Variants in OPRM1 observed in about 807,000 individuals in gnomAD.
OPRM1 encodes the protein opioid receptor mu 1.
Under a neutral mutation model 31.8 loss-of-function variants are expected in OPRM1, and 27 were observed. That is an observed-to-expected ratio of 0.85 (90% CI 0.63 to 1.17). The LOEUF is 1.17. Ranked by LOEUF, OPRM1 falls within the 50% of genes most tolerant of loss-of-function variation. OPRM1 has a pLI of 0.00. For missense variants in OPRM1, 536 were observed against 511.1 expected, an observed-to-expected ratio of 1.05 and a Z score of -0.47; for synonymous variants, 196 against 189.9, an observed-to-expected ratio of 1.03 and a Z score of -0.26.
chr6:154,045,955 G>A (rs376073598), intron 1 of OPRM1, among the ~76,000 whole-genome samples: 25 of 152,226 alleles, frequency 1.6e-4, no homozygotes, highest in African/African-American at 5.8e-4. Context: ...AACATGCCTC[G>A]TTTTCCTCTT....
upstream of OPRM1, chr6:154,039,180 T>G (rs768254051): frequency 6.4e-7 from 1 of 1,551,560 alleles, no homozygotes; most frequent in South Asian, 1.2e-5. Context: ...CACAGAAGAG[T>G]GCCCAGTGAA....
At chr6:154,224,848 A>G (rs1305604668) in intron 3 of OPRM1, among the ~76,000 whole-genome samples, 1 of 152,232 alleles carries the variant, frequency 6.6e-6, no homozygotes, top group Non-Finnish European at 1.5e-5. Context: ...ATATATATGC[A>G]GCTTCTCTCT....
chr6:154,196,619 A>C (rs1002509187), intron 3 of OPRM1, among the ~76,000 whole-genome samples: 2 of 152,234 alleles, frequency 1.3e-5, no homozygotes, highest in African/African-American at 4.8e-5. Context: ...TGTGTTGTAC[A>C]TATGTGACTT....
chr6:154,237,828 A>G (rs1780255319), intron 3 of OPRM1, among the ~76,000 whole-genome samples: 1 of 151,974 alleles, frequency 6.6e-6, no homozygotes, highest in African/African-American at 2.4e-5. Flanking sequence ...GCATATCTAT[A>G]TATATGTTAA....
At chr6:154,111,009 C>T (rs370902842) in intron 3 of OPRM1, among the ~76,000 whole-genome samples, 1 of 151,372 alleles carries the variant, frequency 6.6e-6, no homozygotes, top group South Asian at 2.1e-4. Flanking sequence ...CCAACGCTTT[C>T]TCTTGTGAAA....
intron 3 of OPRM1, among the ~76,000 whole-genome samples, chr6:154,098,100 A>T (rs938046512): frequency 1.3e-5 from 2 of 151,994 alleles, no homozygotes; most frequent in African/African-American, 2.4e-5. Flanking sequence ...TAGAAAAAAA[A>T]TTTTAATTAG....
At position 154,126,620 on chromosome 6, in the gene OPRM1, G is replaced by A. The variant is rs1356180173; in HGVS notation, c.*7899G>A. The stretch of plus-strand genomic sequence containing the variant: ...CACCACCCTACACTGCTGTGACACC[G>A]AAACAACCAAGCCTAGAATCAGCTG... On this transcript the variant is annotated 3_prime_UTR_variant, in exon 4 of 4. Coordinates refer to ENST00000330432, the MANE Select transcript of OPRM1 (RefSeq NM_000914.5). 2.6e-5 allele frequency among the ~76,000 whole-genome samples: 4 copies of A among 152,204 alleles called. No individual in the cohort carries two copies. Among genetic ancestry groups the A allele is most frequent in the East Asian group, 1.9e-4 (1 of 5,186 alleles).
rs1458976802 is a variant in OPRM1 at position 154,122,198 on chromosome 6, AC to A, written c.*3479del. On this transcript the variant is annotated 3_prime_UTR_variant, in exon 4 of 4. Coordinates refer to ENST00000330432, the MANE Select transcript of OPRM1 (RefSeq NM_000914.5). ...TGTACAATTCTTGAGGTCAATCAGA[AC>A]CAAAAAATCTGTTGCTGGAAGAAAT... 6.6e-6 allele frequency among the ~76,000 whole-genome samples: 1 copy of A among 152,210 alleles called. No individual in the cohort carries two copies. Among genetic ancestry groups the A allele is most frequent in the East Asian group, 1.9e-4 (1 of 5,204 alleles).
At chr6:154,221,409 C>T in intron 3 of OPRM1, 1 of 1,073,246 alleles carries the variant, frequency 9.3e-7, no homozygotes, top group South Asian at 1.4e-5. Context: ...CAGTAAAATA[C>T]AAGCTTTGTA....
chr6:154,061,281 T>C (rs1261757195), intron 1 of OPRM1, among the ~76,000 whole-genome samples: 1 of 152,174 alleles, frequency 6.6e-6, no homozygotes, highest in African/African-American at 2.4e-5. Flanking sequence ...GCAACATTCC[T>C]GTCACCTACA....
chr6:154,133,672 T>C (rs1313525912), downstream of OPRM1, among the ~76,000 whole-genome samples: 1 of 152,242 alleles, frequency 6.6e-6, no homozygotes, highest in Non-Finnish European at 1.5e-5. Flanking sequence ...CATTGTCATG[T>C]ACCCGTGCCA....
chr6:154,010,843 G>C, exon 1 of OPRM1: 1 of 1,353,454 alleles, frequency 7.4e-7, no homozygotes, highest in Non-Finnish European at 9.6e-7. Context: ...TCCTGTAATT[G>C]CAGCCCCTTG....
chr6:154,012,986 A>G (rs1777809552), intron 1 of OPRM1, among the ~76,000 whole-genome samples: 1 of 152,116 alleles, frequency 6.6e-6, no homozygotes, highest in South Asian at 2.1e-4. Context: ...TCCAAATGCC[A>G]TTATATTGAC....
In OPRM1 at chr6:154,131,897, A is replaced by G. The variant is rs1797914887; in HGVS notation, c.*13176A>G. Among the ~76,000 whole-genome samples, 1 of 150,548 alleles carries G rather than the reference A, an allele frequency of 6.6e-6. No individual in the cohort carries two copies. Among genetic ancestry groups the G allele is most frequent in the South Asian group, 2.1e-4 (1 of 4,784 alleles). On this transcript the variant is annotated 3_prime_UTR_variant, in exon 4 of 4. Coordinates refer to ENST00000330432, the MANE Select transcript of OPRM1 (RefSeq NM_000914.5). ...GGAATGTTAAAAAAAAACACACAAC[A>G]TTGTTTTCCTTTTGATGGTCTGGGA...
chr6:154,077,967 G>T (rs1562434802), intron 1 of OPRM1, among the ~76,000 whole-genome samples: 1 of 152,030 alleles, frequency 6.6e-6, no homozygotes, highest in Non-Finnish European at 1.5e-5. Flanking sequence ...GCCAAAGGCA[G>T]TGAACATATT....
At chr6:154,152,902 A>T (rs1177112578) in intron 3 of OPRM1, among the ~76,000 whole-genome samples, 3 of 143,878 alleles carry the variant, frequency 2.1e-5, no homozygotes, top group Non-Finnish European at 4.5e-5. Context: ...ACACCTAGCT[A>T]TTTTTTTTTT....
intron 3 of OPRM1, among the ~76,000 whole-genome samples, chr6:154,173,542 C>T (rs1026834423): frequency 6.6e-5 from 10 of 151,768 alleles, no homozygotes; most frequent in Admixed American, 2.0e-4. Context: ...CTTCAACAGC[C>T]GATTCAATCA....
At position 154,140,642 on chromosome 6, in the gene OPRM1, C is replaced by G. The variant is rs140195574; in HGVS notation, c.1164+49170C>G. ...GCCCCGCCTGGCCTTATTTTTGAGG[C>G]ACTACTTGGAGATGGACCTCCCAAG... On this transcript the variant is annotated intron_variant, in intron 3 of 3. Transcript: ENST00000337049. 1.9e-3 allele frequency among the ~76,000 whole-genome samples: 293 copies of G among 152,232 alleles called. 3 individuals carry two copies. The highest frequency in any genetic ancestry group is 6.7e-3 in the African/African-American group (278 of 41,554).
At chr6:154,040,267 C>T (rs188844659) in intron 1 of OPRM1, among the ~76,000 whole-genome samples, 213 of 151,374 alleles carry the variant, frequency 1.4e-3, no homozygotes, top group Middle Eastern at 3.4e-3. Context: ...TGGTTGGGGC[C>T]GGTGTGTGTG....
Sources: allele counts gnomAD v4.1 joint callset (sites outside exome capture counted in the v4.1 genomes callset), GRCh38; gene constraint gnomAD v4.1.1; transcripts MANE v1.5; gene names NCBI Gene and HGNC (gene_info 2026-07-23, HGNC 2026-07-21).